CREB5: variants seen among roughly 807,000 people sequenced by gnomAD.
The protein encoded by CREB5 is cyclic AMP-responsive element-binding protein 5.
A neutral mutation model predicts 57.1 loss-of-function variants in CREB5; 19 were observed. The observed-to-expected ratio is 0.33, with a 90% CI of 0.23 to 0.49. The LOEUF (loss-of-function observed/expected upper bound fraction) is 0.49, where lower values mean the gene tolerates loss of function less well. Ranked by LOEUF, CREB5 falls within the 20% of genes least tolerant of loss-of-function variation. The pLI is 0.99. For synonymous variants in CREB5, 238 were observed against 238.3 expected (o/e 1.00, Z 0.01); for missense variants, 579 against 671.6 (o/e 0.86, Z 1.52).
rs185311368 is a variant in CREB5 at position 28,420,286 on chromosome 7, C to T, written c.3+7369C>T. Among the ~76,000 whole-genome samples, 8 of 152,120 alleles carry T rather than the reference C, an allele frequency of 5.3e-5. 2 individuals carry two copies. The highest frequency in any genetic ancestry group is 1.9e-4 in the African/African-American group (8 of 41,504). On this transcript the variant is annotated intron_variant, in intron 1 of 10. Coordinates refer to ENST00000357727, the MANE Select transcript of CREB5 (RefSeq NM_182898.4). ...TTCTTTCTTTTTTCCCTTTTTTAAG[C>T]ACAAACGTGGTTGTATCTTTAAAAG...
chr7:28,557,620 T>G (rs1794929036), intron 4 of CREB5, among the ~76,000 whole-genome samples: 1 of 152,200 alleles, frequency 6.6e-6, no homozygotes, highest in Non-Finnish European at 1.5e-5. Flanking sequence ...GAGGCAGAGC[T>G]GTAATTTCTG....
At chr7:28,469,456 T>C (rs369931598) in intron 1 of CREB5, among the ~76,000 whole-genome samples, 31 of 152,150 alleles carry the variant, frequency 2.0e-4, no homozygotes, top group East Asian at 3.9e-4. Context: ...TTTAAATATA[T>C]GGAAACAAAT....
intron 4 of CREB5, 35 bp from the exon 5 acceptor site, chr7:28,570,327 ACTC>A: frequency 6.4e-7 from 1 of 1,571,056 alleles, no homozygotes; most frequent in South Asian, 1.2e-5. Context: ...AAAAACATTG[ACTC>A]CTCCTGACCT....
intron 1 of CREB5, among the ~76,000 whole-genome samples, chr7:28,335,606 G>T (rs1399884270): frequency 1.3e-5 from 2 of 151,770 alleles, no homozygotes; most frequent in Non-Finnish European, 2.9e-5. Flanking sequence ...TTTTGGTGGA[G>T]TCTTTAGCTT....
intron 5 of CREB5, among the ~76,000 whole-genome samples, chr7:28,598,664 C>A (rs1306268914): frequency 6.6e-6 from 1 of 152,134 alleles, no homozygotes; most frequent in East Asian, 1.9e-4. Context: ...TCTTGTGTGC[C>A]AAACTCCATC....
At chr7:28,319,743 G>A (rs998774835) in intron 1 of CREB5, among the ~76,000 whole-genome samples, 15 of 152,042 alleles carry the variant, frequency 9.9e-5, no homozygotes, top group African/African-American at 3.6e-4. Context: ...TATTATTTCC[G>A]TGGTCTGCTT....
intron 5 of CREB5, among the ~76,000 whole-genome samples, chr7:28,673,479 G>A (rs938763323): frequency 6.6e-6 from 1 of 152,114 alleles, no homozygotes; most frequent in Non-Finnish European, 1.5e-5. Flanking sequence ...TTAATAAGGT[G>A]TATTGCTTTA....
intron 4 of CREB5, among the ~76,000 whole-genome samples, chr7:28,548,276 C>A (rs553498947): frequency 6.6e-6 from 1 of 152,118 alleles, no homozygotes; most frequent in Admixed American, 6.5e-5. Context: ...GATTCCTAGT[C>A]CATACCTTTT....
chr7:28,565,261 G>A (rs191945980), intron 4 of CREB5, among the ~76,000 whole-genome samples: 7 of 152,336 alleles, frequency 4.6e-5, no homozygotes, highest in East Asian at 1.9e-4. Context: ...TTTTGGTGAC[G>A]TAGCTGACAA....
intron 5 of CREB5, among the ~76,000 whole-genome samples, chr7:28,649,581 A>T (rs1442301566): frequency 6.6e-6 from 1 of 152,234 alleles, no homozygotes; most frequent in African/African-American, 2.4e-5. Flanking sequence ...CCAAGCCACC[A>T]GAGAGTATTC....
At chr7:28,523,840 T>C (rs1583575552) in intron 4 of CREB5, among the ~76,000 whole-genome samples, 1 of 152,216 alleles carries the variant, frequency 6.6e-6, no homozygotes, top group East Asian at 1.9e-4. Flanking sequence ...ATCTTGATCT[T>C]TCCTGAATTC....
chr7:28,808,712 C>CT (rs59374546), intron 8 of CREB5, among the ~76,000 whole-genome samples: 1,191 of 83,214 alleles, frequency 0.014, 63 homozygotes, highest in African/African-American at 0.037. Flanking sequence ...CCAATTTTTC[C>CT]TTTTTTTTTT....
intron 4 of CREB5, among the ~76,000 whole-genome samples, chr7:28,554,938 TGAATA>T (rs1422409369): frequency 6.6e-6 from 1 of 152,188 alleles, no homozygotes; most frequent in African/African-American, 2.4e-5. Flanking sequence ...AGGGCACTAT[TGAATA>T]GATATAATTG....
chr7:28,348,111 C>A (rs1031461044), intron 1 of CREB5, among the ~76,000 whole-genome samples: 1 of 152,046 alleles, frequency 6.6e-6, no homozygotes, highest in African/African-American at 2.4e-5. Flanking sequence ...GTTATTCAGC[C>A]GAACACTCTC....
At chr7:28,506,867 T>C (rs773807489) in intron 3 of CREB5, among the ~76,000 whole-genome samples, 3 of 152,210 alleles carry the variant, frequency 2.0e-5, no homozygotes, top group Admixed American at 6.5e-5. Flanking sequence ...TATATTAAGC[T>C]ACAAATAGTG....
chr7:28,797,125 G>A (rs977471517), intron 7 of CREB5, among the ~76,000 whole-genome samples: 2 of 152,202 alleles, frequency 1.3e-5, no homozygotes, highest in Non-Finnish European at 2.9e-5. Context: ...AAGGCTGGCA[G>A]GGAAATTGCT....
Position 28,561,005 on chromosome 7 carries a change from CGTGTGTGTGT to C in CREB5, c.292-9358_292-9349del, listed in dbSNP as rs1375240061. ...GCGTGCGTGTGTGTGCCTGCGTGTG[CGTGTGTGTGT>C]GCGTGTGTGCGTGTGTGTGTGTGTG... On this transcript the variant is annotated intron_variant, in intron 4 of 10. Transcript: ENST00000357727. Among the ~76,000 whole-genome samples the C allele has an allele frequency of 1.5e-4, 4 of 26,944 alleles. 1 individual carries two copies. The highest frequency in any genetic ancestry group is 3.7e-4 in the African/African-American group (3 of 8,010). The allele number at this position is 26,944 out of a possible 152,430, so 17.7% of individuals were successfully genotyped here.
chr7:28,783,706 C>T (rs1222576372), intron 7 of CREB5, among the ~76,000 whole-genome samples: 2 of 152,100 alleles, frequency 1.3e-5, no homozygotes, highest in Non-Finnish European at 2.9e-5. Flanking sequence ...TTGGGTAAAT[C>T]CATTGCAATC....
At chr7:28,483,929 G>A (rs4722801) in intron 1 of CREB5, among the ~76,000 whole-genome samples, 30,719 of 152,136 alleles carry the variant, frequency 0.2, 3,361 homozygotes, top group South Asian at 0.28. Context: ...ATTTGATTCA[G>A]GGCAAACAGT....
Sources: gnomAD v4.1 joint callset for allele counts (sites outside exome capture counted in the v4.1 genomes callset) on GRCh38, gnomAD v4.1.1 for gene constraint, MANE v1.5 for transcripts, NCBI Gene and HGNC (gene_info 2026-07-23, HGNC 2026-07-21) for gene names.